Variants in PRKN observed in about 807,000 individuals in gnomAD.
The protein encoded by PRKN is parkin RBR E3 ubiquitin protein ligase, also known as E3 ubiquitin-protein ligase parkin.
A neutral mutation model predicts 59.5 loss-of-function variants in PRKN; 56 were observed. The observed-to-expected ratio is 0.94, with a 90% CI of 0.76 to 1.18. The LOEUF (loss-of-function observed/expected upper bound fraction) is 1.18. Ranked by LOEUF, PRKN falls within the 50% of genes most tolerant of loss-of-function variation. The probability of loss-of-function intolerance (pLI) is 0.00; values close to 1 mark genes in which losing one functional copy is unlikely to be tolerated. For missense variants in PRKN, 657 were observed against 596.4 expected, an observed-to-expected ratio of 1.10 and a Z score of -1.06; for synonymous variants, 250 against 222.1, an observed-to-expected ratio of 1.13 and a Z score of -1.12.
intron 2 of PRKN, among the ~76,000 whole-genome samples, chr6:162,409,733 A>G (rs1441518948): frequency 1.3e-5 from 2 of 152,224 alleles, no homozygotes; most frequent in Non-Finnish European, 2.9e-5. Flanking sequence ...AAACTACATC[A>G]TGTAGGATGA....
chr6:161,499,936 T>A lies in PRKN; in HGVS notation c.1083+48918A>T, dbSNP rs1329397731. ...GCTGTTCCCAAGATTACAGATAAAC[T>A]GAACACCAAGTTGTCTTCTGAATGC... On this transcript the variant is annotated intron_variant, in intron 9 of 11. Transcript: ENST00000366898. The surrounding 1 kb of genome is among the most constrained non-coding windows in gnomAD (Gnocchi z 4.2). Among the ~76,000 whole-genome samples the A allele has an allele frequency of 1.3e-5, 2 of 152,184 alleles. No homozygotes were observed. The highest frequency in any genetic ancestry group is 4.8e-5 in the African/African-American group (2 of 41,438).
intron 1 of PRKN, among the ~76,000 whole-genome samples, chr6:162,454,463 G>T (rs1790770807): frequency 6.6e-6 from 1 of 152,182 alleles, no homozygotes; most frequent in African/African-American, 2.4e-5. Context: ...ATAATTGGGA[G>T]ACCATTTACT....
intron 7 of PRKN, among the ~76,000 whole-genome samples, chr6:161,746,691 G>T (rs1288515672): frequency 7.2e-6 from 1 of 139,352 alleles, no homozygotes; most frequent in African/African-American, 2.7e-5. Context: ...TATCTATATA[G>T]GTATATGTAT....
intron 6 of PRKN, among the ~76,000 whole-genome samples, chr6:161,968,072 G>A (rs1172155555): frequency 6.6e-6 from 1 of 152,006 alleles, no homozygotes; most frequent in Admixed American, 6.6e-5. Context: ...CCAGGCTGGA[G>A]TGCAGTGGTG....
chr6:162,280,181 T>C (rs896491089), intron 2 of PRKN, among the ~76,000 whole-genome samples: 4 of 152,148 alleles, frequency 2.6e-5, no homozygotes, highest in Non-Finnish European at 2.9e-5. Flanking sequence ...TTAAGGTTAA[T>C]ACTACTACGT....
At chr6:161,486,837 A>G (rs1791670115) in intron 9 of PRKN, among the ~76,000 whole-genome samples, 2 of 152,228 alleles carry the variant, frequency 1.3e-5, no homozygotes. Context: ...TGAATTGTGC[A>G]TTCCAATTTT....
chr6:161,729,647 G>T lies in PRKN; in HGVS notation c.871+56125C>A, dbSNP rs76568957. Among the ~76,000 whole-genome samples the T allele has an allele frequency of 7.5e-4, 114 of 152,296 alleles. 1 individual carries two copies. The East Asian group carries it at 0.021, about 28-fold the overall frequency. ...ACTCAGATGTGATGTGTGTCAAAAG[G>T]AGTCTGTGATTACTGAGGGAGCACT... On this transcript the variant is annotated intron_variant, in intron 7 of 11. Transcript: ENST00000366898.
intron 7 of PRKN, among the ~76,000 whole-genome samples, chr6:161,681,287 T>A (rs1309421154): frequency 6.6e-6 from 1 of 152,172 alleles, no homozygotes; most frequent in African/African-American, 2.4e-5. Context: ...TAAAGATGGG[T>A]ATGCTTTTGT....
At chr6:162,358,480 A>C (rs2128133117) in intron 2 of PRKN, among the ~76,000 whole-genome samples, 1 of 152,298 alleles carries the variant, frequency 6.6e-6, no homozygotes, top group East Asian at 1.9e-4. Flanking sequence ...GTTTAATGAA[A>C]GCATTTCTGA....
intron 6 of PRKN, among the ~76,000 whole-genome samples, chr6:161,852,011 T>C (rs546096751): frequency 3.4e-5 from 5 of 148,754 alleles, no homozygotes; most frequent in African/African-American, 1.2e-4. Context: ...CTCTTGAACC[T>C]GGGAGACAGA....
chr6:162,442,843 A>T (rs1374470955), intron 2 of PRKN, among the ~76,000 whole-genome samples: 2 of 152,000 alleles, frequency 1.3e-5, no homozygotes, highest in African/African-American at 4.8e-5. Flanking sequence ...CGGAGCCCAC[A>T]CCTCCTCTAG....
rs1412538349 is a variant in PRKN at position 161,379,749 on chromosome 6, G to C, written c.1167+7045C>G. Among the ~76,000 whole-genome samples, 1 of 152,182 alleles carries C rather than the reference G, an allele frequency of 6.6e-6. No homozygotes were observed. The highest frequency in any genetic ancestry group is 1.9e-4 in the East Asian group (1 of 5,194). On this transcript the variant is annotated intron_variant, in intron 10 of 11. Coordinates refer to ENST00000366898, the MANE Select transcript of PRKN (RefSeq NM_004562.3). This position sits in a 1 kb window ranked among gnomAD's most constrained non-coding sequence, Gnocchi z 4.9. ...CATCCAGCTCCAGAGCTCCTTCTAG[G>C]ACCTGCTGTGGCAACTGCACGGCAG...
chr6:161,442,752 G>A lies in PRKN; in HGVS notation c.1084-55875C>T, dbSNP rs559636940. Among the ~76,000 whole-genome samples the A allele has an allele frequency of 3.2e-4, 48 of 152,332 alleles. No homozygotes were observed. Among genetic ancestry groups the A allele is most frequent in the African/African-American group, 1.1e-3 (46 of 41,582 alleles). On this transcript the variant is annotated intron_variant, in intron 9 of 11. Transcript: ENST00000366898. The surrounding 1 kb of genome is among the most constrained non-coding windows in gnomAD (Gnocchi z 4.6). ...TCAACGAAGTTGCTAGAATGCAGCC[G>A]TGGAGACGAACAGCTTACCGAGAGC...
At chr6:162,304,392 G>C (rs1782116886) in intron 2 of PRKN, among the ~76,000 whole-genome samples, 1 of 150,668 alleles carries the variant, frequency 6.6e-6, no homozygotes, top group South Asian at 2.1e-4. Context: ...TAACACTGCT[G>C]CCTATGGCTA....
At chr6:161,793,389 G>A (rs1790715403) in intron 6 of PRKN, among the ~76,000 whole-genome samples, 1 of 151,928 alleles carries the variant, frequency 6.6e-6, no homozygotes, top group African/African-American at 2.4e-5. Context: ...CATGGAAGAG[G>A]GTTTACTTTG....
chr6:162,361,061 C>G (rs929179652), intron 2 of PRKN, among the ~76,000 whole-genome samples: 2 of 152,146 alleles, frequency 1.3e-5, no homozygotes, highest in Admixed American at 6.6e-5. Flanking sequence ...GCATCCCATC[C>G]AGTGCCTTTG....
intron 6 of PRKN, among the ~76,000 whole-genome samples, chr6:161,824,162 G>A (rs1293218116): frequency 2.0e-5 from 3 of 152,218 alleles, no homozygotes; most frequent in Non-Finnish European, 4.4e-5. Flanking sequence ...ACGCCACGAA[G>A]TAGGGAAGAT....
intron 5 of PRKN, among the ~76,000 whole-genome samples, chr6:161,993,635 C>T (rs1430612439): frequency 6.6e-6 from 1 of 152,150 alleles, no homozygotes; most frequent in Non-Finnish European, 1.5e-5. Context: ...GATAAGGATA[C>T]AAGAACAAAA....
intron 4 of PRKN, among the ~76,000 whole-genome samples, chr6:162,087,409 T>C (rs1158029409): frequency 6.6e-6 from 1 of 152,016 alleles, no homozygotes; most frequent in Non-Finnish European, 1.5e-5. Context: ...AAATATACAT[T>C]TGAAGTTCAT....
Sources: allele counts gnomAD v4.1 joint callset (sites outside exome capture counted in the v4.1 genomes callset), GRCh38; gene constraint gnomAD v4.1.1; non-coding constraint Gnocchi (gnomAD v3.1); transcripts MANE v1.5; gene names NCBI Gene and HGNC (gene_info 2026-07-23, HGNC 2026-07-21).